LAMA5: variants seen among roughly 807,000 people sequenced by gnomAD.
LAMA5 encodes laminin subunit alpha-5.
In LAMA5, 260 loss-of-function variants were observed where a neutral mutation model predicts 433.4. The ratio of observed to expected loss-of-function variants is 0.60; its 90% CI spans 0.54 to 0.66. The LOEUF is 0.66. Among genes scored for constraint, LAMA5 ranks in the 30% least tolerant of loss-of-function variants. The pLI is 0.00. For synonymous variants in LAMA5, 2,620 were observed against 2,226.6 expected (o/e 1.18, Z -4.97); for missense variants, 5,378 against 5,258.5 (o/e 1.02, Z -0.70).
chr20:62,350,384 G>A (rs534546565), intron 6 of LAMA5, among the ~76,000 whole-genome samples: 11 of 152,198 alleles, frequency 7.2e-5, no homozygotes, highest in South Asian at 4.2e-4. Flanking sequence ...CAAGTCCTCC[G>A]GCTCAGGTGA....
rs751637516 is a variant in LAMA5, at chr20:62,320,906, GGTCACAGGTCAGT to G, written c.6497-29_6497-17del. On this transcript the variant is annotated splice_polypyrimidine_tract_variant and intron_variant, in intron 48 of 79. Transcript: ENST00000252999. ...TGGTCACACACTGCAGGCGATGTGGGGTCACAGGTCAGTGTCATTGGGTCAGGCCAGGGGAGAA... is the reference window on the plus strand; with the variant it reads ...TGGTCACACACTGCAGGCGATGTGGGGTCATTGGGTCAGGCCAGGGGAGAA... 1 of 1,600,326 alleles carries G rather than the reference GGTCACAGGTCAGT, an allele frequency of 6.2e-7. No individual in the cohort carries two copies. The highest frequency in any genetic ancestry group is 8.5e-7 in the Non-Finnish European group (1 of 1,172,518).
rs1252239116 is a variant in LAMA5, at chr20:62,345,863, A to T, written c.1432T>A (p.Ser478Thr). ...FPSCYPTPSSSNDTREQVLPA... is the reference protein window; with the variant it reads ...FPSCYPTPSSTNDTREQVLPA... ...AGCACCTGCTCCCTGGTGTCATTGG[A>T]GGACGAGGGCGTCGCTGAGGGGAAG... is the stretch of plus-strand genomic sequence containing the variant. The change falls in exon 11 of 80, where the codon TCC becomes ACC. Residue 478 changes from serine (S) to threonine (T), a missense_variant. By Grantham distance (58) the Ser-to-Thr change is moderately conservative. Transcript: ENST00000252999. 2.6e-6 allele frequency: 4 copies of T among 1,552,990 alleles called. No individual in the cohort carries two copies. The Middle Eastern group carries it at 5.0e-4, about 194-fold the overall frequency.
intron 2 of LAMA5, among the ~76,000 whole-genome samples, chr20:62,358,433 G>A (rs1244775739): frequency 2.6e-5 from 4 of 152,196 alleles, no homozygotes; most frequent in Non-Finnish European, 5.9e-5. Flanking sequence ...TGCACTTCCT[G>A]TCCTTCCCTG....
chr20:62,321,422 G>T (rs556765672), intron 48 of LAMA5, among the ~76,000 whole-genome samples: 12 of 10,918 alleles, frequency 1.1e-3, no homozygotes, highest in Middle Eastern at 0.071. Context: ...GACGGGTAGG[G>T]TCAGTGGAGG....
chr20:62,322,107 C>G lies in LAMA5; in HGVS notation c.6408G>C (p.Gly2136=). The stretch of plus-strand genomic sequence containing the variant: ...AGGTGTCGCAGCGCTCCCCGCTGAG[C>G]CCCGGGGGGCAGTTGCAGCGGCCCG... ...PHTGRCNCPP[G]LSGERCDTCS... The change falls in exon 48 of 80, where the codon GGG becomes GGC. Residue 2136 remains glycine (G), a synonymous_variant. Coordinates refer to ENST00000252999, the MANE Select transcript of LAMA5 (RefSeq NM_005560.6). The G allele has an allele frequency of 3.1e-6, 5 of 1,602,928 alleles. No homozygotes were observed. The highest frequency in any genetic ancestry group is 4.2e-6 in the Non-Finnish European group (5 of 1,178,990).
chr20:62,318,787 G>C, intron 52 of LAMA5, 56 bp downstream of exon 52: 5 of 1,591,704 alleles, frequency 3.1e-6, no homozygotes, highest in Non-Finnish European at 4.3e-6. Flanking sequence ...CTCCCCCTTG[G>C]AGCTCCCAGG....
At position 62,362,432 on chromosome 20, in the gene LAMA5, T is replaced by G. The variant is rs142571210; in HGVS notation, c.418A>C (p.Asn140His). ...AGGTCCAGGGTGACGTTGACCTCGT[T>G]GTACTCCAGGCCGCGGGACAGCGGT... ...SPPLSRGLEY[N>H]EVNVTLDLGQ... is the part of the protein sequence containing the mutation. Residue 140 changes from asparagine to histidine, a missense_variant, in exon 2 of 80, where the codon AAC becomes CAC. Transcript: ENST00000252999. The G allele has an allele frequency of 2.9e-4, 456 of 1,579,582 alleles. No individual in the cohort carries two copies. Among genetic ancestry groups the G allele is most frequent in the Non-Finnish European group, 3.6e-4 (421 of 1,158,494 alleles).
At chr20:62,363,823 C>T (rs1452185047) in intron 1 of LAMA5, among the ~76,000 whole-genome samples, 1 of 152,106 alleles carries the variant, frequency 6.6e-6, no homozygotes, top group Non-Finnish European at 1.5e-5. Context: ...CCCCCTCGCC[C>T]AGAGTGTGCC....
rs1476340892 is a variant in LAMA5 at position 62,325,186 on chromosome 20, A to AGGGGCAGGAAGAGAGGTGAGTAGG, written c.5529+106_5529+129dup. 3,105 of 621,406 alleles carry AGGGGCAGGAAGAGAGGTGAGTAGG rather than the reference A, an allele frequency of 5.0e-3. 39 individuals carry two copies. The highest frequency in any genetic ancestry group is 0.033 in the African/African-American group (1,790 of 53,620). 38.5% of individuals were successfully genotyped at this position (621,406 alleles called of 1,614,324 possible). ...AGTTGGCCAGCAGCCTGTGAAAAGC[A>AGGGGCAGGAAGAGAGGTGAGTAGG]GGGGCAGGAAGAGAGGTGAGTAGGG... On this transcript the variant is annotated intron_variant, in intron 41 of 79. Transcript: ENST00000252999.
Position 62,327,680 on chromosome 20 carries a change from G to A in LAMA5, c.4798-11C>T, listed in dbSNP as rs779525251. The stretch of plus-strand genomic sequence containing the variant: ...GCCCTGCACGTTCTCCTAGGGATGA[G>A]AGGACAGTGAGAGTGGTCGGCAGGT... On this transcript the variant is annotated splice_polypyrimidine_tract_variant and intron_variant, in intron 36 of 79. Coordinates refer to ENST00000252999, the MANE Select transcript of LAMA5 (RefSeq NM_005560.6). The A allele has an allele frequency of 1.9e-6, 3 of 1,611,568 alleles. No homozygotes were observed. Among genetic ancestry groups the A allele is most frequent in the Non-Finnish European group, 2.5e-6 (3 of 1,178,968 alleles).
At position 62,316,003 on chromosome 20, in the gene LAMA5, C is replaced by T. The variant is rs751762228; in HGVS notation, c.7812G>A (p.Lys2604=). The change falls in exon 58 of 80, where the codon AAG becomes AAA. Residue 2604 remains lysine (K), a synonymous_variant. Transcript: ENST00000252999. ...CCTGGATGTGCGCCTCCAGCTGGTC[C>T]TTCTTGGCCCGGACATCTCGGAGCT... ...RTQLRDVRAK[K]DQLEAHIQAA... 1 of 1,609,746 alleles carries T rather than the reference C, an allele frequency of 6.2e-7. No individual in the cohort carries two copies. Among genetic ancestry groups the T allele is most frequent in the Non-Finnish European group, 8.5e-7 (1 of 1,179,602 alleles).
chr20:62,331,112 C>A lies in LAMA5; in HGVS notation c.3570G>T (p.Val1190=). Residue 1190 remains valine (V), a synonymous_variant, in exon 29 of 80, where the codon GTG becomes GTT. Transcript: ENST00000252999. ...ARFFLHGVTL[V]PIEEFSPEFV... ...ACTCCGGGCTGAACTCCTCAATGGG[C>A]ACCAGAGTGACCCCGTGCTGCAGGC... is the stretch of plus-strand genomic sequence containing the variant. 6.3e-7 allele frequency: 1 copy of A among 1,594,142 alleles called. No individual in the cohort carries two copies. Among genetic ancestry groups the A allele is most frequent in the African/African-American group, 1.4e-5 (1 of 74,058 alleles).
At position 62,315,942 on chromosome 20, in the gene LAMA5, G is replaced by C. The variant is rs373360000; in HGVS notation, c.7867+6C>G. The stretch of plus-strand genomic sequence containing the variant: ...GCTGCGAGAGCCGGGCCCAGGCTCC[G>C]CATACCTGTGTCCATGGCAAGCATG... On this transcript the variant is annotated splice_donor_region_variant and intron_variant, in intron 58 of 79. Transcript: ENST00000252999. 1.9e-6 allele frequency: 3 copies of C among 1,585,114 alleles called. No individual in the cohort carries two copies. The highest frequency in any genetic ancestry group is 1.7e-6 in the Non-Finnish European group (2 of 1,168,384).
Position 62,328,402 on chromosome 20 carries a change from C to A in LAMA5, c.4491G>T (p.Gln1497His). 1 of 1,544,104 alleles carries A rather than the reference C, an allele frequency of 6.5e-7. No homozygotes were observed. The highest frequency in any genetic ancestry group is 1.2e-5 in the South Asian group (1 of 82,054). Residue 1497 changes from glutamine to histidine, a missense_variant, in exon 35 of 80, where the codon CAG becomes CAT. Coordinates refer to ENST00000252999, the MANE Select transcript of LAMA5 (RefSeq NM_005560.6). ...GGATGGTGCGTGGCGGGCAGATGCA[C>A]TGGCCCGTGAGCTCGTCACAGAGGC... ...GARLCDELTG[Q>H]CICPPRTIPP...
chr20:62,358,901 C>A (rs1393371734), intron 2 of LAMA5, among the ~76,000 whole-genome samples: 1 of 152,202 alleles, frequency 6.6e-6, no homozygotes, highest in Non-Finnish European at 1.5e-5. Context: ...TACCTGTCCA[C>A]TCTGCCCTCC....
At chr20:62,343,785 A>AAAAAAAAAAAAG (rs1197177838) in intron 11 of LAMA5, among the ~76,000 whole-genome samples, 8 of 150,032 alleles carry the variant, frequency 5.3e-5, no homozygotes, top group African/African-American at 1.7e-4. Context: ...AAAAAAAAAA[A>AAAAAAAAAAAAG]AAAGAAAGCA....
In LAMA5 at chr20:62,318,868, C is replaced by T. The variant is rs981578818; in HGVS notation, c.7017G>A (p.Glu2339=). 2.5e-6 allele frequency: 4 copies of T among 1,610,088 alleles called. No homozygotes were observed. The highest frequency in any genetic ancestry group is 3.4e-6 in the Non-Finnish European group (4 of 1,179,316). ...ATCTCTGTGCTGCAGCCAACTCAGCCTCAGCTGCTGCCTGCGGGGCCCCCA... is the reference window on the plus strand; with the variant it reads ...ATCTCTGTGCTGCAGCCAACTCAGCTTCAGCTGCTGCCTGCGGGGCCCCCA... ...RDLGAPQAAA[E]AELAAAQRLL... Residue 2339 remains glutamate, a synonymous_variant, in exon 52 of 80, where the codon GAG becomes GAA. Transcript: ENST00000252999.
In LAMA5 at chr20:62,313,670, C is replaced by T. The variant is rs1322961192; in HGVS notation, c.8637G>A (p.Gly2879=). 1.1e-5 allele frequency: 18 copies of T among 1,612,764 alleles called. No homozygotes were observed. In the Admixed American group the frequency reaches 1.2e-4, roughly 10 times the overall value. The change falls in exon 63 of 80, where the codon GGG becomes GGA. Residue 2879 remains glycine, a synonymous_variant. Coordinates refer to ENST00000252999, the MANE Select transcript of LAMA5 (RefSeq NM_005560.6). ...TCACCGTGAAGGTACTGGGGTACCC[C>T]CCGACGTAGAAGACGAAGTCGTCTG... The part of the protein sequence containing the change: ...LRPDDFVFYV[G]GYPSTFTPPP...
Position 62,326,876 on chromosome 20 carries a change from C to T in LAMA5, c.5203G>A (p.Val1735Met), listed in dbSNP as rs45496002. The T allele has an allele frequency of 7.2e-3, 11,557 of 1,611,516 alleles. 54 individuals are homozygous for T. Among genetic ancestry groups the T allele is most frequent in the Non-Finnish European group, 8.6e-3 (10,113 of 1,178,698 alleles). The change falls in exon 39 of 80, where the codon GTG becomes ATG. Residue 1735 changes from valine (V) to methionine (M), a missense_variant. Val to Met is a conservative substitution (Grantham distance 21, BLOSUM62 1). Transcript: ENST00000252999. Reference protein sequence around the residue: ...VFVPMESRPDVVLQGNQMSIT... With the variant: ...VFVPMESRPDMVLQGNQMSIT... ...CTCAGCTCCCTCACCTGCAGCACCA[C>T]ATCCGGCCTGCTCTCCATGGGGACA...
Sources: allele counts gnomAD v4.1 joint callset (sites outside exome capture counted in the v4.1 genomes callset), GRCh38; gene constraint gnomAD v4.1.1; transcripts MANE v1.5; gene names NCBI Gene and HGNC (gene_info 2026-07-23, HGNC 2026-07-21).